The following UTRN variants were observed in gnomAD, a reference collection of about 807,000 sequenced individuals.
The protein encoded by UTRN is utrophin, also known as dystrophin-related protein 1.
Under a neutral mutation model 463.9 loss-of-function variants are expected in UTRN, and 283 were observed. The ratio of observed to expected loss-of-function variants is 0.61; its 90% CI spans 0.55 to 0.67. The LOEUF (loss-of-function observed/expected upper bound fraction) is 0.67, where lower values mean the gene tolerates loss of function less well. Among genes scored for constraint, UTRN ranks in the 30% least tolerant of loss-of-function variants. The probability of loss-of-function intolerance (pLI) is 0.00; values close to 1 mark genes in which losing one functional copy is unlikely to be tolerated. For missense variants in UTRN, 3,922 were observed against 4,084.3 expected, an observed-to-expected ratio of 0.96 and a Z score of 1.08; for synonymous variants, 1,442 against 1,431.5, an observed-to-expected ratio of 1.01 and a Z score of -0.17.
chr6:144,299,893 T>A (rs1055187996), intron 2 of UTRN, among the ~76,000 whole-genome samples: 13 of 152,310 alleles, frequency 8.5e-5, no homozygotes, highest in East Asian at 5.8e-4. Context: ...CCCTGTTTTT[T>A]AATTCTAAAT....
chr6:144,840,309 CTT>C (rs1241855923), intron 72 of UTRN, among the ~76,000 whole-genome samples: 6 of 152,170 alleles, frequency 3.9e-5, no homozygotes, highest in African/African-American at 1.4e-4. Flanking sequence ...GATGCCTTTA[CTT>C]TTGTGGCAGG....
At chr6:144,461,153 T>C (rs773268009) in intron 21 of UTRN, 44 bp from the exon 22 acceptor site, 119 of 1,500,164 alleles carry the variant, frequency 7.9e-5, no homozygotes, top group Non-Finnish European at 1.0e-4. Context: ...ATAATATTGG[T>C]TCCTAATATG....
At chr6:144,600,915 C>G (rs936344911) in intron 51 of UTRN, among the ~76,000 whole-genome samples, 2 of 152,132 alleles carry the variant, frequency 1.3e-5, no homozygotes, top group Non-Finnish European at 2.9e-5. Context: ...GAAACCATTG[C>G]TCACCTACCA....
chr6:144,561,376 G>A (rs747069473), intron 50 of UTRN, among the ~76,000 whole-genome samples: 6 of 150,320 alleles, frequency 4.0e-5, no homozygotes, highest in South Asian at 2.1e-4. Flanking sequence ...GTGTATAGAC[G>A]TGTTTGCACA....
chr6:144,846,706 A>G (rs1782045662), intron 73 of UTRN, 99 bp from the exon 74 acceptor site: 1 of 1,513,912 alleles, frequency 6.6e-7, no homozygotes, highest in Non-Finnish European at 9.2e-7. Context: ...TTATTACCCT[A>G]TGTAGAGTGA....
chr6:144,484,135 G>A (rs914870143), intron 27 of UTRN, among the ~76,000 whole-genome samples: 1 of 152,114 alleles, frequency 6.6e-6, no homozygotes, highest in African/African-American at 2.4e-5. Flanking sequence ...ATTTATAAAT[G>A]TTTCCACCCA....
intron 69 of UTRN, among the ~76,000 whole-genome samples, chr6:144,831,325 T>C (rs57155787): frequency 0.17 from 25,343 of 151,970 alleles, 2,701 homozygotes; most frequent in Admixed American, 0.36. Context: ...AGGGTCCTCA[T>C]AAAGGGTAGG....
At chr6:144,531,810 C>T (rs192025092) in intron 42 of UTRN, among the ~76,000 whole-genome samples, 3 of 152,234 alleles carry the variant, frequency 2.0e-5, no homozygotes, top group East Asian at 3.9e-4. Context: ...AAGGACATGA[C>T]AATTTAAAGA....
Position 144,851,310 on chromosome 6 carries a change from G to A in UTRN, c.*313G>A, listed in dbSNP as rs777981535. 52 of 320,606 alleles carry A rather than the reference G, an allele frequency of 1.6e-4. No homozygotes were observed. Among genetic ancestry groups the A allele is most frequent in the Non-Finnish European group, 2.6e-4 (46 of 174,018 alleles). The allele number at this position is 320,606 out of a possible 1,614,324, so 19.9% of individuals were successfully genotyped here. On this transcript the variant is annotated 3_prime_UTR_variant, in exon 75 of 75. Coordinates refer to ENST00000367545, the MANE Select transcript of UTRN (RefSeq NM_007124.3). The stretch of plus-strand genomic sequence containing the variant: ...GTATAATGTATACAGCATTGGGAAA[G>A]TGGGTGGGGGCTTTCTAATATGATA...
chr6:144,489,695 C>T (rs144063089), intron 30 of UTRN, among the ~76,000 whole-genome samples: 1,809 of 152,162 alleles, frequency 0.012, 43 homozygotes, highest in African/African-American at 0.041. Flanking sequence ...GATCTCGGCT[C>T]ACTGCAAACT....
At chr6:144,441,585 C>T (rs1386789571) in intron 13 of UTRN, among the ~76,000 whole-genome samples, 1 of 152,182 alleles carries the variant, frequency 6.6e-6, no homozygotes, top group Admixed American at 6.5e-5. Flanking sequence ...GCGGCTTTTC[C>T]AGGTGCATAG....
intron 46 of UTRN, 152 bp from the exon 47 acceptor site, chr6:144,548,488 C>T: frequency 1.5e-6 from 1 of 679,330 alleles, no homozygotes. Flanking sequence ...CAGGTAATAC[C>T]ATAGCCATTT....
At chr6:144,653,625 T>C (rs1439655484) in intron 51 of UTRN, among the ~76,000 whole-genome samples, 1 of 152,006 alleles carries the variant, frequency 6.6e-6, no homozygotes, top group Non-Finnish European at 1.5e-5. Context: ...TTTTCCATAG[T>C]TGTACAGCAT....
intron 3 of UTRN, among the ~76,000 whole-genome samples, chr6:144,414,906 G>A (rs1324934867): frequency 6.6e-6 from 1 of 152,068 alleles, no homozygotes; most frequent in African/African-American, 2.4e-5. Flanking sequence ...GGAGAGATGG[G>A]TTTCACCACG....
intron 3 of UTRN, among the ~76,000 whole-genome samples, chr6:144,419,164 A>AGT (rs1236337051): frequency 6.6e-6 from 1 of 152,196 alleles, no homozygotes; most frequent in Non-Finnish European, 1.5e-5. Context: ...TTTTACTGAC[A>AGT]GTGGGTAGCA....
At chr6:144,376,400 A>T (rs2114725366) in intron 2 of UTRN, among the ~76,000 whole-genome samples, 1 of 151,878 alleles carries the variant, frequency 6.6e-6, no homozygotes, top group East Asian at 1.9e-4. Context: ...AGTTGCAGTG[A>T]ACTGAGATCA....
intron 52 of UTRN, among the ~76,000 whole-genome samples, chr6:144,681,633 G>A (rs957897998): frequency 1.3e-5 from 2 of 151,764 alleles, no homozygotes; most frequent in Admixed American, 6.6e-5. Context: ...AGGTGAGTAC[G>A]TGGAAAAAGA....
chr6:144,688,897 T>C (rs1165784563), intron 52 of UTRN, among the ~76,000 whole-genome samples: 1 of 152,084 alleles, frequency 6.6e-6, no homozygotes, highest in African/African-American at 2.4e-5. Flanking sequence ...AGGTGGGTAA[T>C]GTAATACCCA....
intron 65 of UTRN, among the ~76,000 whole-genome samples, chr6:144,807,733 A>T (rs1284819256): frequency 1.3e-5 from 2 of 152,072 alleles, no homozygotes; most frequent in African/African-American, 4.8e-5. Flanking sequence ...TACTTTACCA[A>T]TTAGGATTTG....
Sources: allele counts gnomAD v4.1 joint callset (sites outside exome capture counted in the v4.1 genomes callset), GRCh38; gene constraint gnomAD v4.1.1; transcripts MANE v1.5; gene names NCBI Gene and HGNC (gene_info 2026-07-23, HGNC 2026-07-21).